FOXL1: variants seen among roughly 807,000 people sequenced by gnomAD.
The protein encoded by FOXL1 is forkhead box protein L1.
A neutral mutation model predicts 1.7 loss-of-function variants in FOXL1; 2 were observed. That is an observed-to-expected ratio of 1.21 (90% CI 0.49 to 3.80). The LOEUF is 3.80. FOXL1 is among the 30% of genes most tolerant of loss of function. The pLI, the probability that FOXL1 is intolerant of heterozygous loss-of-function variation, is 0.07. For missense variants in FOXL1, 565 were observed against 495.8 expected (o/e 1.14, Z -1.32); for synonymous variants, 280 against 229.3 (o/e 1.22, Z -2.00).
At position 86,581,712 on chromosome 16, in the gene FOXL1, T is replaced by A. The variant is rs1021206479; in HGVS notation, c.*1951T>A. 1 of 166,936 alleles carries A rather than the reference T, an allele frequency of 6.0e-6. No homozygotes were observed. Among genetic ancestry groups the A allele is most frequent in the African/African-American group, 2.4e-5 (1 of 41,450 alleles). The allele number at this position is 166,936 out of a possible 1,614,324, so 10.3% of individuals were successfully genotyped here. A position where few individuals can be genotyped will look rare whatever the true frequency, so the allele number is the denominator to read the frequency against. On this transcript the variant is annotated 3_prime_UTR_variant, in exon 1 of 1. Transcript: ENST00000320241. ...ATTAACCTCTCAGTGACTGGTTCAG[T>A]GGATTACTGGAGGGAAATAAACAAA...
At position 86,583,441 on chromosome 16, in the gene FOXL1, T is replaced by G. The variant is rs1974436203; in HGVS notation, c.*3680T>G. ...AAACATAAATGATAAAAAGCAAAGTTTGTCCATTAAAAATAAAAAGCGTGA... is the reference window on the plus strand; with the variant it reads ...AAACATAAATGATAAAAAGCAAAGTGTGTCCATTAAAAATAAAAAGCGTGA... On this transcript the variant is annotated 3_prime_UTR_variant, in exon 1 of 1. Transcript: ENST00000320241. 6.6e-6 allele frequency among the ~76,000 whole-genome samples: 1 copy of G among 152,178 alleles called. No homozygotes were observed.
At position 86,579,589 on chromosome 16, in the gene FOXL1, C is replaced by T. The variant is rs1316790244; in HGVS notation, c.866C>T (p.Pro289Leu). 1.2e-6 allele frequency: 2 copies of T among 1,613,020 alleles called. No individual in the cohort carries two copies. Among genetic ancestry groups the T allele is most frequent in the African/African-American group, 2.7e-5 (2 of 74,952 alleles). The change falls in exon 1 of 1, where the codon CCC becomes CTC. Residue 289 changes from proline to leucine, a missense_variant. By Grantham distance (98) the Pro-to-Leu change is moderately conservative (BLOSUM62 -3). Coordinates refer to ENST00000320241, the MANE Select transcript of FOXL1 (RefSeq NM_005250.3). ...DELLGGAKPG[P>L]GGRLGASLLA... ...CTCCTAGGGGGTGCCAAGCCTGGGCCCGGCGGCCGTCTGGGTGCCTCGCTC... is the reference window on the plus strand; with the variant it reads ...CTCCTAGGGGGTGCCAAGCCTGGGCTCGGCGGCCGTCTGGGTGCCTCGCTC...
In FOXL1 at chr16:86,580,145, C is replaced by G. The variant is rs956119832; in HGVS notation, c.*384C>G. 1 of 224,574 alleles carries G rather than the reference C, an allele frequency of 4.5e-6. No individual in the cohort carries two copies. Among genetic ancestry groups the G allele is most frequent in the Non-Finnish European group, 9.7e-6 (1 of 103,486 alleles). The allele number at this position is 224,574 out of a possible 1,614,324, so 13.9% of individuals were successfully genotyped here. ...GGGCCCGCAGACCACCCAAGGCAGG[C>G]CTTACAGGTGCAGTTGAGGTCCTTT... is the stretch of plus-strand genomic sequence containing the variant. On this transcript the variant is annotated 3_prime_UTR_variant, in exon 1 of 1. Coordinates refer to ENST00000320241, the MANE Select transcript of FOXL1 (RefSeq NM_005250.3).
Position 86,579,752 on chromosome 16 carries a change from C to G in FOXL1, c.1029C>G (p.His343Gln). The change falls in exon 1 of 1, where the codon CAC becomes CAG. Residue 343 changes from histidine (H) to glutamine (Q), a missense_variant. Physicochemically the swap from His to Gln is conservative, Grantham distance 24. Transcript: ENST00000320241. ...FPLQVPDTVL[H>Q]FQ ...TGCAGGTTCCCGACACGGTACTCCA[C>G]TTCCAGTAAAGCAAACAATGGCACG... 1 of 1,612,498 alleles carries G rather than the reference C, an allele frequency of 6.2e-7. No individual in the cohort carries two copies. The highest frequency in any genetic ancestry group is 8.5e-7 in the Non-Finnish European group (1 of 1,179,204).
Position 86,579,743 on chromosome 16 carries a change from G to T in FOXL1, c.1020G>T (p.Thr340=), listed in dbSNP as rs781034400. ...ATTTCCCCCTGCAGGTTCCCGACAC[G>T]GTACTCCACTTCCAGTAAAGCAAAC... is the stretch of plus-strand genomic sequence containing the variant. ...LSYFPLQVPD[T]VLHFQ Residue 340 remains threonine (T), a synonymous_variant, in exon 1 of 1, where the codon ACG becomes ACT. Coordinates refer to ENST00000320241, the MANE Select transcript of FOXL1 (RefSeq NM_005250.3). The T allele has an allele frequency of 1.3e-5, 21 of 1,612,920 alleles. No homozygotes were observed. Among genetic ancestry groups the T allele is most frequent in the Non-Finnish European group, 1.7e-5 (20 of 1,179,560 alleles).
rs201605395 is a variant in FOXL1, at chr16:86,579,778, G to A, written c.*17G>A. ...TTCCAGTAAAGCAAACAATGGCACGGTTCTTCTCCCGGCCCAGCCTGAGCC... is the reference window on the plus strand; with the variant it reads ...TTCCAGTAAAGCAAACAATGGCACGATTCTTCTCCCGGCCCAGCCTGAGCC... On this transcript the variant is annotated 3_prime_UTR_variant, in exon 1 of 1. Transcript: ENST00000320241. 74 of 1,603,796 alleles carry A rather than the reference G, an allele frequency of 4.6e-5. 1 individual carries two copies. Among genetic ancestry groups the A allele is most frequent in the Non-Finnish European group, 5.4e-5 (63 of 1,172,256 alleles).
rs1012657185 is a variant in FOXL1, at chr16:86,583,290, G to A, written c.*3529G>A. Among the ~76,000 whole-genome samples, 3 of 152,044 alleles carry A rather than the reference G, an allele frequency of 2.0e-5. No individual in the cohort carries two copies. The highest frequency in any genetic ancestry group is 6.6e-5 in the Admixed American group (1 of 15,260). On this transcript the variant is annotated 3_prime_UTR_variant, in exon 1 of 1. Transcript: ENST00000320241. ...TGTTAACATCACAAAGGTAGGTGAC[G>A]TTTCCAGTAACCAGCTGCACCCAGG...
rs1296616625 is a variant in FOXL1 at position 86,582,331 on chromosome 16, T to C, written c.*2570T>C. Among the ~76,000 whole-genome samples, 7 of 152,240 alleles carry C rather than the reference T, an allele frequency of 4.6e-5. No homozygotes were observed. The highest frequency in any genetic ancestry group is 1.2e-4 in the African/African-American group (5 of 41,464). On this transcript the variant is annotated 3_prime_UTR_variant, in exon 1 of 1. Coordinates refer to ENST00000320241, the MANE Select transcript of FOXL1 (RefSeq NM_005250.3). ...ATATTTAATCGTTGGCTCAAAATTA[T>C]GGCTCAATAAGGTCAATAGTTTCTG...
At position 86,583,374 on chromosome 16, in the gene FOXL1, G is replaced by C. The variant is rs989905805; in HGVS notation, c.*3613G>C. 6.6e-6 allele frequency among the ~76,000 whole-genome samples: 1 copy of C among 152,060 alleles called. No homozygotes were observed. The stretch of plus-strand genomic sequence containing the variant: ...GCACTTCCTGGCTTCATGGTGGATG[G>C]AGTCTTGTTTCCATGAAATAAAGGT... On this transcript the variant is annotated 3_prime_UTR_variant, in exon 1 of 1. Transcript: ENST00000320241.
In FOXL1 at chr16:86,579,342, C is replaced by T; in HGVS notation, c.619C>T (p.His207Tyr). The change falls in exon 1 of 1, where the codon CAC (histidine) becomes TAC (tyrosine). Residue 207 changes from histidine to tyrosine, a missense_variant. By Grantham distance (83) the His-to-Tyr change is moderately conservative (BLOSUM62 2). Transcript: ENST00000320241. ...CGGCCCCTCTCCGCCGGCGCCCCTC[C>T]ACTGGCCGGGGACCGCGTCCCCGAA... ...LDGPSPPAPL[H>Y]WPGTASPNED... 1 of 1,482,444 alleles carries T rather than the reference C, an allele frequency of 6.7e-7. No individual in the cohort carries two copies. Among genetic ancestry groups the T allele is most frequent in the Non-Finnish European group, 8.9e-7 (1 of 1,124,844 alleles). The allele number at this position is 1,482,444 out of a possible 1,614,324, so 91.8% of individuals were successfully genotyped here.
chr16:86,579,887 G>A lies in FOXL1; in HGVS notation c.*126G>A. 3.0e-6 allele frequency: 3 copies of A among 988,250 alleles called. No individual in the cohort carries two copies. The highest frequency in any genetic ancestry group is 4.5e-6 in the Non-Finnish European group (3 of 667,622). The allele number at this position is 988,250 out of a possible 1,614,324, so 61.2% of individuals were successfully genotyped here. Reference sequence around the variant, plus strand: ...TGGGTCGGCCTGTGGGTTCAGGGAAGTGTTACCAACCATTGCGCGCAGGTG... The same window carrying A: ...TGGGTCGGCCTGTGGGTTCAGGGAAATGTTACCAACCATTGCGCGCAGGTG... On this transcript the variant is annotated 3_prime_UTR_variant, in exon 1 of 1. Transcript: ENST00000320241.
In FOXL1 at chr16:86,578,756, C is replaced by T. The variant is rs374262221; in HGVS notation, c.33C>T (p.Ala11=). Residue 11 remains alanine, a synonymous_variant, in exon 1 of 1, where the codon GCC becomes GCT. Coordinates refer to ENST00000320241, the MANE Select transcript of FOXL1 (RefSeq NM_005250.3). The part of the protein sequence containing the change: MSHLFDPRLP[A]LAASPMLYLY... ...ACCTCTTCGATCCCCGGCTGCCTGCCCTGGCCGCCTCGCCCATGCTGTATC... is the reference window on the plus strand; with the variant it reads ...ACCTCTTCGATCCCCGGCTGCCTGCTCTGGCCGCCTCGCCCATGCTGTATC... The T allele has an allele frequency of 2.5e-6, 4 of 1,608,368 alleles. No homozygotes were observed. In the African/African-American group the frequency reaches 5.3e-5, roughly 22 times the overall value.
At position 86,579,221 on chromosome 16, in the gene FOXL1, G is replaced by T. The variant is rs1190657056; in HGVS notation, c.498G>T (p.Ala166=). The change falls in exon 1 of 1, where the codon GCG becomes GCT. Residue 166 remains alanine, a synonymous_variant. Coordinates refer to ENST00000320241, the MANE Select transcript of FOXL1 (RefSeq NM_005250.3). ...RPRAETHQRS[A]EAQPEAGSGA... ...GCGCCGAGACGCACCAGCGCAGCGC[G>T]GAGGCGCAGCCGGAGGCGGGGAGCG... 1 of 1,550,004 alleles carries T rather than the reference G, an allele frequency of 6.5e-7. No individual in the cohort carries two copies. Among genetic ancestry groups the T allele is most frequent in the Non-Finnish European group, 8.7e-7 (1 of 1,150,042 alleles).
Position 86,579,433 on chromosome 16 carries a change from G to A in FOXL1, c.710G>A (p.Gly237Glu), listed in dbSNP as rs1329945065. 2 of 1,546,036 alleles carry A rather than the reference G, an allele frequency of 1.3e-6. No individual in the cohort carries two copies. Among genetic ancestry groups the A allele is most frequent in the Non-Finnish European group, 8.7e-7 (1 of 1,145,952 alleles). The change falls in exon 1 of 1, where the codon GGG becomes GAG. Residue 237 changes from glycine (G) to glutamate (E), a missense_variant. Transcript: ENST00000320241. Reference protein sequence around the residue: ...AVAVGQAARTGDGPGSPLRPA... With the variant: ...AVAVGQAARTEDGPGSPLRPA... ...GCGGTCGGCCAGGCAGCGCGCACAG[G>A]GGACGGCCCGGGGTCCCCTCTGCGC... is the stretch of plus-strand genomic sequence containing the variant.
Position 86,582,878 on chromosome 16 carries a change from T to A in FOXL1, c.*3117T>A, listed in dbSNP as rs555940721. On this transcript the variant is annotated 3_prime_UTR_variant, in exon 1 of 1. Coordinates refer to ENST00000320241, the MANE Select transcript of FOXL1 (RefSeq NM_005250.3). ...TTCTCTATGTAGTATGAACCAGGGA[T>A]AACTTTATTGTTCTGTGTTAGTATA... Among the ~76,000 whole-genome samples, 1 of 151,948 alleles carries A rather than the reference T, an allele frequency of 6.6e-6. No homozygotes were observed. The highest frequency in any genetic ancestry group is 1.5e-5 in the Non-Finnish European group (1 of 68,004).
In FOXL1 at chr16:86,579,547, C is replaced by T. The variant is rs1432928762; in HGVS notation, c.824C>T (p.Pro275Leu). 6.2e-7 allele frequency: 1 copy of T among 1,611,514 alleles called. No homozygotes were observed. The highest frequency in any genetic ancestry group is 8.5e-7 in the Non-Finnish European group (1 of 1,179,182). ...SILAGKQGQK[P>L]PSGDELLGGA... ...CTGGCGGGAAAGCAGGGCCAGAAGCCGCCTTCAGGGGACGAACTCCTAGGG... is the reference window on the plus strand; with the variant it reads ...CTGGCGGGAAAGCAGGGCCAGAAGCTGCCTTCAGGGGACGAACTCCTAGGG... The change falls in exon 1 of 1, where the codon CCG becomes CTG. Residue 275 changes from proline (P) to leucine (L), a missense_variant. By Grantham distance (98) the Pro-to-Leu change is moderately conservative. Transcript: ENST00000320241.
rs533695382 is a variant in FOXL1 at position 86,580,915 on chromosome 16, C to G, written c.*1154C>G. 1 of 167,060 alleles carries G rather than the reference C, an allele frequency of 6.0e-6. No individual in the cohort carries two copies. The highest frequency in any genetic ancestry group is 2.4e-5 in the African/African-American group (1 of 41,428). The allele number at this position is 167,060 out of a possible 1,614,324, so 10.3% of individuals were successfully genotyped here. A position where few individuals can be genotyped will look rare whatever the true frequency, so the allele number is the denominator to read the frequency against. On this transcript the variant is annotated 3_prime_UTR_variant, in exon 1 of 1. Coordinates refer to ENST00000320241, the MANE Select transcript of FOXL1 (RefSeq NM_005250.3). Reference sequence around the variant, plus strand: ...CTGGTGTCCGCTGGAAGGGGCCTCTCTGGGCCCCAGAGGACCTGAGGTTTG... The same window carrying G: ...CTGGTGTCCGCTGGAAGGGGCCTCTGTGGGCCCCAGAGGACCTGAGGTTTG...
rs1208497697 is a variant in FOXL1 at position 86,582,337 on chromosome 16, A to T, written c.*2576A>T. Among the ~76,000 whole-genome samples the T allele has an allele frequency of 2.0e-5, 3 of 152,204 alleles. No homozygotes were observed. Among genetic ancestry groups the T allele is most frequent in the Admixed American group, 2.0e-4 (3 of 15,286 alleles). ...AATCGTTGGCTCAAAATTATGGCTC[A>T]ATAAGGTCAATAGTTTCTGCTCTTA... On this transcript the variant is annotated 3_prime_UTR_variant, in exon 1 of 1. Transcript: ENST00000320241.
At position 86,579,443 on chromosome 16, in the gene FOXL1, G is replaced by A. The variant is rs1371755195; in HGVS notation, c.720G>A (p.Pro240=). ...AGGCAGCGCGCACAGGGGACGGCCC[G>A]GGGTCCCCTCTGCGCCCCGCCTCCC... ...VGQAARTGDG[P]GSPLRPASRS... The change falls in exon 1 of 1, where the codon CCG becomes CCA. Residue 240 remains proline (P), a synonymous_variant. Coordinates refer to ENST00000320241, the MANE Select transcript of FOXL1 (RefSeq NM_005250.3). 1.9e-6 allele frequency: 3 copies of A among 1,549,920 alleles called. No homozygotes were observed. The East Asian group carries it at 7.3e-5, about 38-fold the overall frequency.
Sources: gnomAD v4.1 joint callset for allele counts (sites outside exome capture counted in the v4.1 genomes callset) on GRCh38, gnomAD v4.1.1 for gene constraint, MANE v1.5 for transcripts, NCBI Gene and HGNC (gene_info 2026-07-23, HGNC 2026-07-21) for gene names.